Variants in KCNQ5 observed in about 807,000 individuals in gnomAD.
KCNQ5 encodes potassium voltage-gated channel subfamily KQT member 5.
In KCNQ5, 30 loss-of-function variants were observed where a neutral mutation model predicts 98.2. That is an observed-to-expected ratio of 0.31 (90% CI 0.23 to 0.41). KCNQ5 has a LOEUF of 0.41. Ranked by LOEUF, KCNQ5 falls within the 10% of genes least tolerant of loss-of-function variation. KCNQ5 has a pLI of 1.00. For missense variants in KCNQ5, 835 were observed against 1,182.5 expected (o/e 0.71, Z 4.31); for synonymous variants, 458 against 449.4 (o/e 1.02, Z -0.24).
At chr6:72,874,577 A>AAGAGC (rs1778334420) in intron 1 of KCNQ5, among the ~76,000 whole-genome samples, 1 of 152,168 alleles carries the variant, frequency 6.6e-6, no homozygotes, top group Admixed American at 6.6e-5. Flanking sequence ...TGAGAAGAAA[A>AAGAGC]AGAGCCAAAA....
At chr6:72,854,385 A>G (rs565490354) in intron 1 of KCNQ5, among the ~76,000 whole-genome samples, 2 of 152,216 alleles carry the variant, frequency 1.3e-5, no homozygotes, top group South Asian at 2.1e-4. Flanking sequence ...TGATCAGAGT[A>G]TTATCTGTGA....
At chr6:72,667,543 G>A (rs757276354) in intron 1 of KCNQ5, among the ~76,000 whole-genome samples, 4 of 152,066 alleles carry the variant, frequency 2.6e-5, no homozygotes, top group Non-Finnish European at 4.4e-5. Context: ...GGAGACATAG[G>A]ATATTTATAT....
chr6:72,733,831 C>G (rs1263374481), intron 1 of KCNQ5, among the ~76,000 whole-genome samples: 1 of 152,154 alleles, frequency 6.6e-6, no homozygotes, highest in Non-Finnish European at 1.5e-5. Flanking sequence ...CTGCATCAGT[C>G]CTGCAGCCCC....
At chr6:73,185,627 G>A (rs1033596076) in intron 11 of KCNQ5, among the ~76,000 whole-genome samples, 2 of 152,218 alleles carry the variant, frequency 1.3e-5, no homozygotes, top group African/African-American at 4.8e-5. Context: ...GGAACCTAAA[G>A]TTCCAAGGAC....
intron 1 of KCNQ5, among the ~76,000 whole-genome samples, chr6:72,666,047 T>C (rs1425980646): frequency 6.6e-6 from 1 of 152,218 alleles, no homozygotes; most frequent in Non-Finnish European, 1.5e-5. Flanking sequence ...AGGAGTTCTA[T>C]AAACGGGTTC....
At chr6:73,060,126 G>A (rs999998685) in intron 3 of KCNQ5, among the ~76,000 whole-genome samples, 2 of 151,908 alleles carry the variant, frequency 1.3e-5, no homozygotes, top group Non-Finnish European at 1.5e-5. Flanking sequence ...AAAAGAAGTC[G>A]TTTGTTCTCC....
chr6:73,121,749 C>T (rs1007482613), intron 8 of KCNQ5, among the ~76,000 whole-genome samples: 1 of 152,170 alleles, frequency 6.6e-6, no homozygotes, highest in Non-Finnish European at 1.5e-5. Flanking sequence ...TGTGATGCAG[C>T]AGAATGCATA....
intron 1 of KCNQ5, among the ~76,000 whole-genome samples, chr6:72,686,345 C>T (rs1173566334): frequency 1.3e-5 from 2 of 152,232 alleles, no homozygotes; most frequent in African/African-American, 4.8e-5. Context: ...GCTGATAGGT[C>T]AAAATGATAG....
intron 1 of KCNQ5, among the ~76,000 whole-genome samples, chr6:72,956,751 T>C (rs1177545363): frequency 6.6e-6 from 1 of 151,842 alleles, no homozygotes; most frequent in African/African-American, 2.4e-5. Context: ...AACCTATGTA[T>C]TCAACAGATT....
At chr6:72,701,997 AT>A (rs200498244) in intron 1 of KCNQ5, among the ~76,000 whole-genome samples, 2,285 of 151,952 alleles carry the variant, frequency 0.015, 58 homozygotes, top group African/African-American at 0.052. Context: ...CCCAGCTAAT[AT>A]TTTTTTTAAT....
intron 1 of KCNQ5, among the ~76,000 whole-genome samples, chr6:72,853,634 C>T (rs933389460): frequency 6.6e-5 from 10 of 152,168 alleles, no homozygotes; most frequent in Non-Finnish European, 1.3e-4. Flanking sequence ...TTGTTTTGCA[C>T]CCTTCTGTGG....
At chr6:73,095,805 A>G (rs951766074) in intron 5 of KCNQ5, among the ~76,000 whole-genome samples, 1 of 152,096 alleles carries the variant, frequency 6.6e-6, no homozygotes, top group African/African-American at 2.4e-5. Context: ...GGATGCTAGC[A>G]CAGTATTTAG....
intron 1 of KCNQ5, among the ~76,000 whole-genome samples, chr6:72,806,575 T>G (rs1774970431): frequency 6.6e-6 from 1 of 152,136 alleles, no homozygotes; most frequent in Admixed American, 6.6e-5. Context: ...AAGCAGAGAA[T>G]CATAATACTT....
At chr6:72,812,137 C>T (rs1775271985) in intron 1 of KCNQ5, among the ~76,000 whole-genome samples, 1 of 152,148 alleles carries the variant, frequency 6.6e-6, no homozygotes, top group Non-Finnish European at 1.5e-5. Context: ...AGGTCACTTT[C>T]ATTGCCGTCT....
intron 1 of KCNQ5, among the ~76,000 whole-genome samples, chr6:72,641,072 T>C (rs1357399142): frequency 6.6e-6 from 1 of 152,200 alleles, no homozygotes; most frequent in Non-Finnish European, 1.5e-5. Context: ...GAAGTTAAAT[T>C]CTGAAGACGG....
At chr6:73,090,795 T>C (rs1774213645) in intron 5 of KCNQ5, among the ~76,000 whole-genome samples, 1 of 152,192 alleles carries the variant, frequency 6.6e-6, no homozygotes. Context: ...CCAGTTAGAA[T>C]GGCGATCATT....
At chr6:72,674,109 G>A (rs928722955) in intron 1 of KCNQ5, among the ~76,000 whole-genome samples, 3 of 152,228 alleles carry the variant, frequency 2.0e-5, no homozygotes, top group Non-Finnish European at 4.4e-5. Flanking sequence ...AGACTGTACC[G>A]TGAATAGTAA....
rs1047270953 is a variant in KCNQ5 at position 73,068,300 on chromosome 6, AAAT to A, written c.617-9008_617-9006del. ...AAAAAGAGGGAAACTCCGTCTCAAAAAATAATAATAATAATACATAATATTTTG... is the reference window on the plus strand; with the variant it reads ...AAAAAGAGGGAAACTCCGTCTCAAAAAATAATAATAATACATAATATTTTG... On this transcript the variant is annotated intron_variant, in intron 3 of 13. Coordinates refer to ENST00000370398, the MANE Select transcript of KCNQ5 (RefSeq NM_019842.4). Among the ~76,000 whole-genome samples, 3 of 152,072 alleles carry A rather than the reference AAAT, an allele frequency of 2.0e-5. No homozygotes were observed. In the East Asian group the frequency reaches 5.8e-4, roughly 29 times the overall value.
chr6:72,935,054 C>G (rs944077472), intron 1 of KCNQ5, among the ~76,000 whole-genome samples: 3 of 149,858 alleles, frequency 2.0e-5, no homozygotes, highest in Admixed American at 2.0e-4. Context: ...ATATATTGGC[C>G]TTGTTCTATC....
Sources: gnomAD v4.1 joint callset for allele counts (sites outside exome capture counted in the v4.1 genomes callset) on GRCh38, gnomAD v4.1.1 for gene constraint, MANE v1.5 for transcripts, NCBI Gene and HGNC (gene_info 2026-07-23, HGNC 2026-07-21) for gene names.